Variants in ACP7 observed in about 807,000 individuals in gnomAD.
The protein encoded by ACP7 is acid phosphatase type 7.
A neutral mutation model predicts 60.6 loss-of-function variants in ACP7; 58 were observed. The observed-to-expected ratio is 0.96, with a 90% CI of 0.77 to 1.19. The LOEUF (loss-of-function observed/expected upper bound fraction) is 1.19, where lower values mean the gene tolerates loss of function less well. Ranked by LOEUF, ACP7 falls within the 50% of genes most tolerant of loss-of-function variation. The probability of loss-of-function intolerance (pLI) is 0.00; values close to 1 mark genes in which losing one functional copy is unlikely to be tolerated. For synonymous variants in ACP7, 237 were observed against 232.6 expected (o/e 1.02, Z -0.17); for missense variants, 574 against 596.2 (o/e 0.96, Z 0.39).
At chr19:39,102,526 C>T (rs1353877803) in intron 11 of ACP7, among the ~76,000 whole-genome samples, 5 of 151,872 alleles carry the variant, frequency 3.3e-5, no homozygotes, top group Admixed American at 6.6e-5. Context: ...GATTTCACCA[C>T]GTTGGCCAGG....
At chr19:39,092,623 C>A (rs142062234) in intron 2 of ACP7, among the ~76,000 whole-genome samples, 2 of 152,106 alleles carry the variant, frequency 1.3e-5, no homozygotes, top group East Asian at 3.9e-4. Context: ...GGGTTCCCCC[C>A]ACACCCTGAT....
chr19:39,101,685 C>T (rs2145019812), intron 11 of ACP7, 148 bp downstream of exon 11: 2 of 853,328 alleles, frequency 2.3e-6, no homozygotes, highest in Admixed American at 2.6e-5. Context: ...GCGGTATGTT[C>T]ATTGGACGGA....
At chr19:39,094,237 ACCCAAAGT>A (rs1305996079) in intron 2 of ACP7, among the ~76,000 whole-genome samples, 1 of 152,024 alleles carries the variant, frequency 6.6e-6, no homozygotes, top group Non-Finnish European at 1.5e-5. Flanking sequence ...GTGGTGGCTC[ACCCAAAGT>A]GCTGATCCCA....
intron 11 of ACP7, among the ~76,000 whole-genome samples, chr19:39,104,552 T>G (rs2073391520): frequency 6.6e-6 from 1 of 152,210 alleles, no homozygotes; most frequent in African/African-American, 2.4e-5. Context: ...TGATTGCTAT[T>G]CTGATTTTAT....
rs199993266 is a variant in ACP7, at chr19:39,100,228, A to G, written c.507A>G (p.Gly169=). The part of the protein sequence containing the change: ...QGMYDAVLHV[G]DFAYNLDQDN... ...CCCTCCTTCCGCCCCCTCCCCCAGGAGACTTTGCCTACAACCTGGATCAGG... is the reference window on the plus strand; with the variant it reads ...CCCTCCTTCCGCCCCCTCCCCCAGGGGACTTTGCCTACAACCTGGATCAGG... Residue 169 remains glycine, a splice_region_variant and synonymous_variant, in exon 5 of 13, where the codon GGA becomes GGG. Coordinates refer to ENST00000331256, the MANE Select transcript of ACP7 (RefSeq NM_001004318.3). The G allele has an allele frequency of 2.7e-4, 441 of 1,613,626 alleles. No homozygotes were observed. Among genetic ancestry groups the G allele is most frequent in the Non-Finnish European group, 3.6e-4 (421 of 1,179,852 alleles).
intron 11 of ACP7, 71 bp from the exon 12 acceptor site, chr19:39,106,876 C>T: frequency 1.3e-6 from 2 of 1,579,732 alleles, no homozygotes; most frequent in South Asian, 1.1e-5. Flanking sequence ...GGGTCCTGGG[C>T]TAGCAGGTCA....
chr19:39,090,136 C>T (rs1471157045), intron 2 of ACP7, among the ~76,000 whole-genome samples: 1 of 151,972 alleles, frequency 6.6e-6, no homozygotes, highest in Non-Finnish European at 1.5e-5. Context: ...TAATGCCCTC[C>T]TTCTTTTTTT....
At chr19:39,101,669 C>A in intron 11 of ACP7, 132 bp downstream of exon 11, 1 of 964,378 alleles carries the variant, frequency 1.0e-6, no homozygotes, top group Non-Finnish European at 1.5e-6. Flanking sequence ...AGGTCGGGAA[C>A]TCCTAGCGGT....
Position 39,101,487 on chromosome 19 carries a change from A to G in ACP7, c.1063A>G (p.Met355Val). The G allele has an allele frequency of 6.2e-7, 1 of 1,614,094 alleles. No homozygotes were observed. The highest frequency in any genetic ancestry group is 8.5e-7 in the Non-Finnish European group (1 of 1,180,008). ...NYQVFNGSRE[M>V]PYTNPRGPVH... ...CCAGGTATTTAACGGCAGCCGAGAG[A>G]TGCCCTACACCAACCCGCGAGGGCC... is the stretch of plus-strand genomic sequence containing the variant. The change falls in exon 11 of 13, where the codon ATG becomes GTG. Residue 355 changes from methionine (M) to valine (V), a missense_variant. Coordinates refer to ENST00000331256, the MANE Select transcript of ACP7 (RefSeq NM_001004318.3).
rs1449246685 is a variant in ACP7, at chr19:39,099,040, C to T, written c.403C>T (p.Arg135Cys). Residue 135 changes from arginine to cysteine, a missense_variant, in exon 4 of 13, where the codon CGT becomes TGT. Physicochemically the swap from Arg to Cys is radical, Grantham distance 180. Coordinates refer to ENST00000331256, the MANE Select transcript of ACP7 (RefSeq NM_001004318.3). ...CAAGAATGGGGCCCACTGGAGTCCC[C>T]GTCTGGCTGTGTTTGGAGACCTGGG... ...ALKNGAHWSP[R>C]LAVFGDLGAD... 6.2e-7 allele frequency: 1 copy of T among 1,612,822 alleles called. No individual in the cohort carries two copies. Among genetic ancestry groups the T allele is most frequent in the East Asian group, 2.2e-5 (1 of 44,804 alleles).
At chr19:39,091,128 C>T (rs2073199228) in intron 2 of ACP7, among the ~76,000 whole-genome samples, 1 of 151,666 alleles carries the variant, frequency 6.6e-6, no homozygotes, top group Non-Finnish European at 1.5e-5. Flanking sequence ...CTGGGAAGCA[C>T]CTATTTCCCA....
chr19:39,101,307 G>A lies in ACP7; in HGVS notation c.993G>A (p.Trp331Ter). Residue 331 changes from tryptophan (W) to a stop codon, truncating the protein, a stop_gained, in exon 10 of 13, where the codon TGG (tryptophan) becomes TGA (stop). Transcript: ENST00000331256. LOFTEE classifies it high-confidence loss of function. ...FYKYGVDLQL[W>*]AHEHSYERLW... The stretch of plus-strand genomic sequence containing the variant: ...TCTCAGGAGTGGATCTGCAGCTGTG[G>A]GCTCATGAGCACTCGTATGAACGAC... 6.2e-7 allele frequency: 1 copy of A among 1,614,156 alleles called. No individual in the cohort carries two copies. Among genetic ancestry groups the A allele is most frequent in the African/African-American group, 1.3e-5 (1 of 75,042 alleles).
intron 2 of ACP7, among the ~76,000 whole-genome samples, chr19:39,096,572 G>A (rs1346179126): frequency 6.6e-6 from 1 of 151,970 alleles, no homozygotes; most frequent in Non-Finnish European, 1.5e-5. Flanking sequence ...TAAACTTTCC[G>A]ACCTCTGTCT....
At chr19:39,084,022 C>T (rs74867498), upstream of ACP7, 1,755 of 152,432 alleles carry the variant, frequency 0.012, 33 homozygotes, top group African/African-American at 0.036. Context: ...GGATAGGGGC[C>T]GGTGTCCGTG....
At chr19:39,087,367 G>A (rs920533775) in intron 2 of ACP7, among the ~76,000 whole-genome samples, 1 of 152,156 alleles carries the variant, frequency 6.6e-6, no homozygotes. Context: ...CCTCAGATCT[G>A]TTTTCATTTT....
At chr19:39,106,766 C>T (rs368591151) in intron 11 of ACP7, among the ~76,000 whole-genome samples, 181 bp from the exon 12 acceptor site, 1 of 152,142 alleles carries the variant, frequency 6.6e-6, no homozygotes, top group Non-Finnish European at 1.5e-5. Context: ...TCAAGTGATC[C>T]GCCCTTCTTG....
Position 39,085,235 on chromosome 19 carries a change from GC to G in ACP7, c.-34del. 1 of 1,598,776 alleles carries G rather than the reference GC, an allele frequency of 6.3e-7. No homozygotes were observed. The highest frequency in any genetic ancestry group is 8.5e-7 in the Non-Finnish European group (1 of 1,172,108). ...GGGAGCTGATCTCCTCAGTCCCCCT[GC>G]TTTTCCCCGGTCTGCCATCACCACC... is the stretch of plus-strand genomic sequence containing the variant. On this transcript the variant is annotated 5_prime_UTR_variant, in exon 2 of 13. Transcript: ENST00000331256.
At position 39,099,050 on chromosome 19, in the gene ACP7, T is replaced by C; in HGVS notation, c.413T>C (p.Val138Ala). 6.2e-7 allele frequency: 1 copy of C among 1,612,232 alleles called. No homozygotes were observed. Among genetic ancestry groups the C allele is most frequent in the Non-Finnish European group, 8.5e-7 (1 of 1,179,438 alleles). ...NGAHWSPRLA[V>A]FGDLGADNPK... Reference sequence around the variant, plus strand: ...GCCCACTGGAGTCCCCGTCTGGCTGTGTTTGGAGACCTGGGGGCTGACAAC... The same window carrying C: ...GCCCACTGGAGTCCCCGTCTGGCTGCGTTTGGAGACCTGGGGGCTGACAAC... Residue 138 changes from valine (V) to alanine (A), a missense_variant, in exon 4 of 13, where the codon GTG (valine) becomes GCG (alanine). By Grantham distance (64) the Val-to-Ala change is moderately conservative (BLOSUM62 0). Coordinates refer to ENST00000331256, the MANE Select transcript of ACP7 (RefSeq NM_001004318.3).
At chr19:39,088,834 C>T (rs572465088) in intron 2 of ACP7, among the ~76,000 whole-genome samples, 1 of 152,286 alleles carries the variant, frequency 6.6e-6, no homozygotes, top group Admixed American at 6.5e-5. Context: ...CAACCTCTGC[C>T]TCTCAGGTTC....
Sources: allele counts gnomAD v4.1 joint callset (sites outside exome capture counted in the v4.1 genomes callset), GRCh38; gene constraint gnomAD v4.1.1; transcripts MANE v1.5; gene names NCBI Gene and HGNC (gene_info 2026-07-23, HGNC 2026-07-21).